The following CADPS2 variants were observed in gnomAD, a reference collection of about 807,000 sequenced individuals.
The protein encoded by CADPS2 is calcium dependent secretion activator 2.
A neutral mutation model predicts 172.5 loss-of-function variants in CADPS2; 93 were observed. The observed-to-expected ratio is 0.54, with a 90% CI of 0.46 to 0.64. The LOEUF is 0.64. Ranked by LOEUF, CADPS2 falls within the 30% of genes least tolerant of loss-of-function variation. The probability of loss-of-function intolerance (pLI) is 0.00; values close to 1 mark genes in which losing one functional copy is unlikely to be tolerated. For synonymous variants in CADPS2, 546 were observed against 555.2 expected (o/e 0.98, Z 0.23); for missense variants, 1,420 against 1,565.9 (o/e 0.91, Z 1.57).
intron 25 of CADPS2, among the ~76,000 whole-genome samples, chr7:122,373,393 A>G (rs2041995291): frequency 6.6e-6 from 1 of 152,152 alleles, no homozygotes; most frequent in Admixed American, 6.6e-5. Context: ...AACAGTTCTC[A>G]GGTAATTTTT....
At chr7:122,561,563 T>C (rs1025879449) in intron 7 of CADPS2, among the ~76,000 whole-genome samples, 4 of 152,120 alleles carry the variant, frequency 2.6e-5, no homozygotes, top group African/African-American at 7.2e-5. Context: ...TTAATAATGA[T>C]ATGAAGGGGG....
intron 5 of CADPS2, among the ~76,000 whole-genome samples, chr7:122,615,626 A>G (rs7808115): frequency 0.15 from 23,347 of 152,114 alleles, 2,011 homozygotes; most frequent in African/African-American, 0.23. Context: ...AAGTCTGCAC[A>G]TTAAGCAGAA....
intron 1 of CADPS2, among the ~76,000 whole-genome samples, chr7:122,745,043 A>T (rs1265784588): frequency 2.0e-5 from 3 of 152,024 alleles, no homozygotes; most frequent in Non-Finnish European, 4.4e-5. Context: ...AAAGTATACA[A>T]TGTTTTGATA....
chr7:122,427,441 G>T (rs1297314130), intron 17 of CADPS2: 1 of 152,140 alleles, frequency 6.6e-6, no homozygotes, highest in Non-Finnish European at 1.5e-5. Context: ...TTACAATAAA[G>T]AGTACTAAAT....
At chr7:122,657,287 T>G (rs955209973) in intron 3 of CADPS2, among the ~76,000 whole-genome samples, 1 of 152,218 alleles carries the variant, frequency 6.6e-6, no homozygotes, top group Non-Finnish European at 1.5e-5. Flanking sequence ...GTCTTGGCAA[T>G]GCAGGCTCTT....
chr7:122,400,437 C>CA (rs1170119683), intron 20 of CADPS2, among the ~76,000 whole-genome samples: 3 of 150,224 alleles, frequency 2.0e-5, no homozygotes, highest in Admixed American at 2.0e-4. Flanking sequence ...AACTCCATCT[C>CA]AAAAAACAAA....
At position 122,388,511 on chromosome 7, in the gene CADPS2, T is replaced by C. The variant is rs559404637; in HGVS notation, c.3164+72A>G. 12 of 1,390,800 alleles carry C rather than the reference T, an allele frequency of 8.6e-6. No individual in the cohort carries two copies. The South Asian group carries it at 2.0e-4, about 23-fold the overall frequency. The allele number at this position is 1,390,800 out of a possible 1,614,324, so 86.2% of individuals were successfully genotyped here. Reference sequence around the variant, plus strand: ...AAACCTTTGCTGTGACAATAATATATTAGGTACTTGATAAAAAGTGATATT... The same window carrying C: ...AAACCTTTGCTGTGACAATAATATACTAGGTACTTGATAAAAAGTGATATT... On this transcript the variant is annotated intron_variant, in intron 23 of 29. Coordinates refer to ENST00000449022, the MANE Select transcript of CADPS2 (RefSeq NM_017954.11).
chr7:122,586,611 T>C (rs1290057588), intron 6 of CADPS2, among the ~76,000 whole-genome samples: 2 of 152,000 alleles, frequency 1.3e-5, no homozygotes, highest in African/African-American at 4.8e-5. Context: ...TGTTATCTGT[T>C]AGAACACAAA....
At chr7:122,572,223 C>T (rs748052039) in intron 7 of CADPS2, among the ~76,000 whole-genome samples, 14 of 152,132 alleles carry the variant, frequency 9.2e-5, no homozygotes, top group Middle Eastern at 3.4e-3. Flanking sequence ...CTTTTGCATC[C>T]TATGTATGTC....
intron 2 of CADPS2, among the ~76,000 whole-genome samples, chr7:122,725,133 G>T (rs2090946720): frequency 6.6e-6 from 1 of 151,978 alleles, no homozygotes; most frequent in South Asian, 2.1e-4. Flanking sequence ...TGTTTCTTTT[G>T]GTGATAATGA....
At chr7:122,748,953 C>G (rs886822707) in intron 1 of CADPS2, among the ~76,000 whole-genome samples, 2 of 152,040 alleles carry the variant, frequency 1.3e-5, no homozygotes, top group African/African-American at 2.4e-5. Flanking sequence ...TAATTTAACT[C>G]TTAAGTGAAG....
intron 8 of CADPS2, among the ~76,000 whole-genome samples, chr7:122,526,053 C>G (rs906454429): frequency 1.3e-5 from 2 of 152,132 alleles, no homozygotes; most frequent in Non-Finnish European, 2.9e-5. Flanking sequence ...GAGGACACAG[C>G]TTTGCTCTTG....
intron 29 of CADPS2, among the ~76,000 whole-genome samples, chr7:122,324,369 T>C (rs1414781793): frequency 6.6e-6 from 1 of 152,172 alleles, no homozygotes; most frequent in Non-Finnish European, 1.5e-5. Flanking sequence ...AATATTTTAA[T>C]GTGGCTAGAA....
chr7:122,698,060 T>C, intron 2 of CADPS2: 2 of 1,614,000 alleles, frequency 1.2e-6, no homozygotes, highest in Non-Finnish European at 1.7e-6. Flanking sequence ...TGGGGTAAAA[T>C]CCAGGGGTCA....
chr7:122,789,391 T>C (rs1217500760), intron 1 of CADPS2, among the ~76,000 whole-genome samples: 2 of 152,190 alleles, frequency 1.3e-5, no homozygotes, highest in African/African-American at 4.8e-5. Flanking sequence ...TAATTAGTAG[T>C]AAGAGCTGCT....
At chr7:122,546,186 C>T (rs922977876) in intron 8 of CADPS2, among the ~76,000 whole-genome samples, 1 of 152,118 alleles carries the variant, frequency 6.6e-6, no homozygotes, top group African/African-American at 2.4e-5. Flanking sequence ...TCTGAACACA[C>T]ATCTATCACG....
chr7:122,548,199 C>A lies in CADPS2; in HGVS notation c.1475+6351G>T, dbSNP rs958875808. On this transcript the variant is annotated intron_variant, in intron 8 of 29. Coordinates refer to ENST00000449022, the MANE Select transcript of CADPS2 (RefSeq NM_017954.11). ...CCTGGGCAATATAGGGAGACCCCAT[C>A]TCTATAAAAATTTTTTTAAAAAAAC... Among the ~76,000 whole-genome samples the A allele has an allele frequency of 2.0e-5, 3 of 151,812 alleles. No individual in the cohort carries two copies. In the East Asian group the frequency reaches 5.8e-4, roughly 30 times the overall value.
At chr7:122,527,694 T>C (rs1162475396) in intron 8 of CADPS2, among the ~76,000 whole-genome samples, 1 of 150,714 alleles carries the variant, frequency 6.6e-6, no homozygotes, top group Non-Finnish European at 1.5e-5. Flanking sequence ...TTCAGTATTA[T>C]TATGACACGT....
intron 6 of CADPS2, among the ~76,000 whole-genome samples, chr7:122,608,351 C>T (rs531620297): frequency 2.0e-5 from 3 of 152,056 alleles, no homozygotes. Context: ...AAAATGGAAA[C>T]TAATATGCTT....
Sources: allele counts gnomAD v4.1 joint callset (sites outside exome capture counted in the v4.1 genomes callset), GRCh38; gene constraint gnomAD v4.1.1; transcripts MANE v1.5; gene names NCBI Gene and HGNC (gene_info 2026-07-23, HGNC 2026-07-21).